Variants in CNTN3 observed in about 807,000 individuals in gnomAD.
CNTN3 encodes the protein contactin 3.
CNTN3 carries 60 observed loss-of-function variants against 119.1 expected under a neutral mutation model. That is an observed-to-expected ratio of 0.50 (90% CI 0.41 to 0.62). The LOEUF is 0.62. CNTN3 is among the 20% of genes least tolerant of loss of function. The pLI is 0.00. For synonymous variants in CNTN3, 450 were observed against 438.7 expected (o/e 1.03, Z -0.32); for missense variants, 1,101 against 1,242.4 (o/e 0.89, Z 1.71).
At chr3:74,541,799 A>G (rs1575818008) in intron 1 of CNTN3, among the ~76,000 whole-genome samples, 1 of 152,246 alleles carries the variant, frequency 6.6e-6, no homozygotes, top group East Asian at 1.9e-4. Flanking sequence ...AAAAGAAAAT[A>G]GCATTTTTTT....
intron 20 of CNTN3, among the ~76,000 whole-genome samples, chr3:74,272,222 G>A (rs553907922): frequency 3.0e-4 from 45 of 152,258 alleles, no homozygotes; most frequent in Non-Finnish European, 4.6e-4. Flanking sequence ...TTTTAAGAAA[G>A]TTTATGAATT....
At chr3:74,477,283 C>T (rs181340647) in intron 4 of CNTN3, among the ~76,000 whole-genome samples, 2 of 152,214 alleles carry the variant, frequency 1.3e-5, no homozygotes, top group Admixed American at 1.3e-4. Flanking sequence ...GCTTCAGACC[C>T]AGAAAGTAAG....
At chr3:74,542,927 C>T (rs184912171) in intron 1 of CNTN3, among the ~76,000 whole-genome samples, 4 of 152,092 alleles carry the variant, frequency 2.6e-5, no homozygotes, top group East Asian at 3.9e-4. Flanking sequence ...CAGACCAGCA[C>T]GGTCAACATA....
intron 2 of CNTN3, among the ~76,000 whole-genome samples, chr3:74,519,054 A>G (rs1703498566): frequency 6.6e-6 from 1 of 151,888 alleles, no homozygotes; most frequent in Admixed American, 6.6e-5. Flanking sequence ...AGTCTCAATT[A>G]TAATAGGCTT....
chr3:74,398,570 G>A (rs747049765), intron 5 of CNTN3, among the ~76,000 whole-genome samples: 1 of 151,818 alleles, frequency 6.6e-6, no homozygotes, highest in Non-Finnish European at 1.5e-5. Context: ...TGGTGTAGAT[G>A]GGTCCCAGAC....
intron 1 of CNTN3, among the ~76,000 whole-genome samples, chr3:74,594,038 A>G (rs571061201): frequency 6.6e-6 from 1 of 151,876 alleles, no homozygotes; most frequent in Admixed American, 6.6e-5. Context: ...TGAAACTCCA[A>G]ACAAAACATT....
At chr3:74,514,945 T>C (rs1312383502) in intron 2 of CNTN3, among the ~76,000 whole-genome samples, 1 of 152,032 alleles carries the variant, frequency 6.6e-6, no homozygotes, top group Non-Finnish European at 1.5e-5. Flanking sequence ...TATGCAACCA[T>C]TTTTCGAGTT....
intron 1 of CNTN3, among the ~76,000 whole-genome samples, chr3:74,604,221 A>C (rs1049641981): frequency 1.3e-5 from 2 of 152,170 alleles, no homozygotes; most frequent in African/African-American, 2.4e-5. Context: ...AGAAGGAAGC[A>C]CAGGGAAAAG....
At chr3:74,556,451 G>A (rs1168194472) in intron 1 of CNTN3, among the ~76,000 whole-genome samples, 4 of 152,074 alleles carry the variant, frequency 2.6e-5, no homozygotes, top group African/African-American at 9.7e-5. Context: ...TATTTTCAAG[G>A]TACATTCATG....
At chr3:74,419,884 C>T (rs1030808366) in intron 5 of CNTN3, among the ~76,000 whole-genome samples, 2 of 152,068 alleles carry the variant, frequency 1.3e-5, no homozygotes, top group Non-Finnish European at 2.9e-5. Flanking sequence ...TAATTTTTCT[C>T]GTGTATTTCA....
chr3:74,577,885 C>A (rs1423413111), intron 1 of CNTN3, among the ~76,000 whole-genome samples: 1 of 152,056 alleles, frequency 6.6e-6, no homozygotes, highest in East Asian at 1.9e-4. Flanking sequence ...TGGCACAAGG[C>A]AAGCATTCCA....
At chr3:74,613,364 C>G (rs1383245193) in intron 1 of CNTN3, among the ~76,000 whole-genome samples, 1 of 151,678 alleles carries the variant, frequency 6.6e-6, no homozygotes, top group African/African-American at 2.4e-5. Flanking sequence ...TTCTGACCTC[C>G]CTCCTGCACA....
chr3:74,597,281 C>A (rs1437025070), intron 1 of CNTN3, among the ~76,000 whole-genome samples: 1 of 151,990 alleles, frequency 6.6e-6, no homozygotes, highest in African/African-American at 2.4e-5. Flanking sequence ...ATTTCGTTAG[C>A]TATTAAACCT....
intron 1 of CNTN3, among the ~76,000 whole-genome samples, chr3:74,588,183 G>T (rs1244570990): frequency 6.6e-6 from 1 of 151,962 alleles, no homozygotes; most frequent in Non-Finnish European, 1.5e-5. Context: ...GATTCGGTTT[G>T]CCAGTATTTT....
At chr3:74,441,689 A>G (rs1274074671) in intron 4 of CNTN3, among the ~76,000 whole-genome samples, 1 of 152,154 alleles carries the variant, frequency 6.6e-6, no homozygotes, top group Non-Finnish European at 1.5e-5. Context: ...ATCTAAACAT[A>G]TGTCTGTTGG....
At chr3:74,522,267 G>A (rs1703554141) in intron 1 of CNTN3, among the ~76,000 whole-genome samples, 1 of 151,864 alleles carries the variant, frequency 6.6e-6, no homozygotes, top group African/African-American at 2.4e-5. Context: ...TATATTCTTG[G>A]GTAGGTTGTA....
chr3:74,306,282 T>C (rs1051077911), intron 13 of CNTN3, among the ~76,000 whole-genome samples: 3 of 151,332 alleles, frequency 2.0e-5, no homozygotes, highest in African/African-American at 7.3e-5. Flanking sequence ...AGATGGATTA[T>C]TTACCATATT....
At chr3:74,459,180 A>G (rs1702321096) in intron 4 of CNTN3, among the ~76,000 whole-genome samples, 1 of 151,592 alleles carries the variant, frequency 6.6e-6, no homozygotes, top group Non-Finnish European at 1.5e-5. Flanking sequence ...TCCTCTATGG[A>G]GCTTTCTCTC....
intron 4 of CNTN3, among the ~76,000 whole-genome samples, chr3:74,430,217 C>T (rs1701760598): frequency 6.6e-6 from 1 of 152,152 alleles, no homozygotes; most frequent in African/African-American, 2.4e-5. Flanking sequence ...TTATGTCTAA[C>T]AGCCCTAAAC....
Sources: allele counts gnomAD v4.1 joint callset (sites outside exome capture counted in the v4.1 genomes callset), GRCh38; gene constraint gnomAD v4.1.1; transcripts MANE v1.5; gene names NCBI Gene and HGNC (gene_info 2026-07-23, HGNC 2026-07-21).